The following TUSC3 variants were observed in gnomAD, a reference collection of about 807,000 sequenced individuals.
TUSC3 encodes dolichyl-diphosphooligosaccharide--protein glycosyltransferase subunit TUSC3.
In TUSC3, 45 loss-of-function variants were observed where a neutral mutation model predicts 44.8. The ratio of observed to expected loss-of-function variants is 1.00; its 90% confidence interval spans 0.79 to 1.29. The LOEUF is 1.29. Among genes scored for constraint, TUSC3 ranks in the 50% most tolerant of loss-of-function variants. The pLI, the probability that TUSC3 is intolerant of heterozygous loss-of-function variation, is 0.00. For missense variants in TUSC3, 519 were observed against 437.9 expected (o/e 1.19, Z -1.65); for synonymous variants, 212 against 152.9 (o/e 1.39, Z -2.85).
the TUSC3 span, among the ~76,000 whole-genome samples, chr8:15,836,232 T>G: frequency 6.6e-6 from 1 of 151,894 alleles, no homozygotes; most frequent in East Asian, 1.9e-4. Context: ...TCCCAGCACT[T>G]TGGGAGGCTA....
At chr8:15,491,989 G>C (rs941790301) in intron 2 of TUSC3, among the ~76,000 whole-genome samples, 1 of 152,080 alleles carries the variant, frequency 6.6e-6, no homozygotes, top group Non-Finnish European at 1.5e-5. Flanking sequence ...TCAAATCTCT[G>C]AGCAGTCTCA....
rs989784735 is a variant in TUSC3 at position 15,449,305 on chromosome 8, C to T, written n.91+32000C>T. The stretch of plus-strand genomic sequence containing the variant: ...GCAATTAAGCTTCATGCCTTTTCTT[C>T]GGTCTCATGTTCAAAAAATGGCCGT... On this transcript the variant is annotated intron_variant and non_coding_transcript_variant, in intron 1 of 5. Coordinates refer to the TUSC3 transcript ENST00000503191. 4.6e-5 allele frequency among the ~76,000 whole-genome samples: 7 copies of T among 152,158 alleles called. No homozygotes were observed. In the East Asian group the frequency reaches 7.7e-4, roughly 17 times the overall value.
At chr8:15,763,210 A>T (rs930323649) in intron 10 of TUSC3, among the ~76,000 whole-genome samples, 1 of 151,914 alleles carries the variant, frequency 6.6e-6, no homozygotes, top group Non-Finnish European at 1.5e-5. Flanking sequence ...GTATCACCAG[A>T]ATCCTAAAAT....
chr8:15,669,313 TAA>T (rs1807832862), intron 5 of TUSC3, among the ~76,000 whole-genome samples: 1 of 151,774 alleles, frequency 6.6e-6, no homozygotes, highest in South Asian at 2.1e-4. Flanking sequence ...CTAACTCTTC[TAA>T]ACAATTGAGA....
chr8:15,787,355 G>A, the TUSC3 span, among the ~76,000 whole-genome samples: 2 of 152,070 alleles, frequency 1.3e-5, no homozygotes, highest in Non-Finnish European at 2.9e-5. Flanking sequence ...ATAAGACTAG[G>A]CATGGAATAT....
the TUSC3 span, among the ~76,000 whole-genome samples, chr8:15,810,770 G>A: frequency 5.9e-5 from 9 of 152,202 alleles, no homozygotes; most frequent in Non-Finnish European, 1.3e-4. Flanking sequence ...TTTTGTAGGG[G>A]AGATTTGCAT....
intron 6 of TUSC3, among the ~76,000 whole-genome samples, chr8:15,702,659 T>C (rs1199632382): frequency 6.6e-6 from 1 of 152,148 alleles, no homozygotes; most frequent in East Asian, 1.9e-4. Flanking sequence ...TCACCATTAA[T>C]ACCTGCAGCG....
At chr8:15,458,023 C>T (rs1013465201) in intron 1 of TUSC3, among the ~76,000 whole-genome samples, 1 of 151,594 alleles carries the variant, frequency 6.6e-6, no homozygotes, top group South Asian at 2.1e-4. Flanking sequence ...GTTAAAAAGG[C>T]CAAATAATTC....
intron 1 of TUSC3, among the ~76,000 whole-genome samples, chr8:15,606,389 G>T (rs1429082): frequency 0.38 from 57,896 of 151,900 alleles, 11,891 homozygotes; most frequent in Non-Finnish European, 0.44. Context: ...TATTGGTAAG[G>T]CTTCTGGTCA....
At chr8:15,621,798 G>A (rs1326998002) in intron 1 of TUSC3, among the ~76,000 whole-genome samples, 1 of 150,238 alleles carries the variant, frequency 6.7e-6, no homozygotes, top group Non-Finnish European at 1.5e-5. Flanking sequence ...AAACACAGCC[G>A]AGTCATTAGC....
intron 1 of TUSC3, among the ~76,000 whole-genome samples, chr8:15,450,330 C>G (rs1381450583): frequency 6.6e-6 from 1 of 152,046 alleles, no homozygotes; most frequent in African/African-American, 2.4e-5. Context: ...ATATTTGGTG[C>G]AAACATTTTT....
At chr8:15,752,666 C>G (rs1449292074) in intron 9 of TUSC3, among the ~76,000 whole-genome samples, 2 of 152,024 alleles carry the variant, frequency 1.3e-5, no homozygotes, top group Non-Finnish European at 2.9e-5. Context: ...AGCAGAAAAT[C>G]TGACTCTGCT....
chr8:15,762,527 A>G (rs1434546561), intron 10 of TUSC3, among the ~76,000 whole-genome samples: 1 of 152,130 alleles, frequency 6.6e-6, no homozygotes, highest in Non-Finnish European at 1.5e-5. Context: ...TATGGATCAG[A>G]TTAGTATTTT....
At chr8:15,527,155 T>C (rs907926207) in intron 2 of TUSC3, among the ~76,000 whole-genome samples, 5 of 152,200 alleles carry the variant, frequency 3.3e-5, no homozygotes, top group African/African-American at 7.2e-5. Flanking sequence ...ACAATAGTTC[T>C]TGTTGATTTA....
chr8:15,490,156 G>C (rs1006882654), intron 2 of TUSC3, among the ~76,000 whole-genome samples: 4 of 152,112 alleles, frequency 2.6e-5, no homozygotes, highest in Admixed American at 2.6e-4. Context: ...TATTGGAAAA[G>C]CTAGAACAAC....
intron 1 of TUSC3, among the ~76,000 whole-genome samples, chr8:15,605,692 G>T (rs912716018): frequency 1.3e-5 from 2 of 151,858 alleles, no homozygotes; most frequent in East Asian, 3.9e-4. Flanking sequence ...AGTACCATAA[G>T]ATATACACAA....
Position 15,662,252 on chromosome 8 carries a change from T to G in TUSC3, c.664T>G (p.Leu222Val). The G allele has an allele frequency of 6.2e-7, 1 of 1,613,064 alleles. No homozygotes were observed. Among genetic ancestry groups the G allele is most frequent in the Non-Finnish European group, 8.5e-7 (1 of 1,179,256 alleles). ...TTTGCTTTATTTGAGAAGGAACAAC[T>G]TGGAGTTCATCTATAACAAGACTGG... Reference protein sequence around the residue: ...GGLLYLRRNNLEFIYNKTGWA... With the variant: ...GGLLYLRRNNVEFIYNKTGWA... The change falls in exon 5 of 11, where the codon TTG becomes GTG. Residue 222 changes from leucine to valine, a missense_variant. Coordinates refer to ENST00000503731, the MANE Select transcript of TUSC3 (RefSeq NM_006765.4).
At chr8:15,806,900 A>G in the TUSC3 span, 13 of 1,325,986 alleles carry the variant, frequency 9.8e-6, no homozygotes, top group East Asian at 4.6e-5. Flanking sequence ...AGACGCTTAC[A>G]TCTGTTGACC....
At chr8:15,458,287 G>C (rs1305004150) in intron 1 of TUSC3, among the ~76,000 whole-genome samples, 1 of 151,954 alleles carries the variant, frequency 6.6e-6, no homozygotes, top group Non-Finnish European at 1.5e-5. Flanking sequence ...GGCCCATGCT[G>C]AGGTACAGTG....
Sources: gnomAD v4.1 joint callset for allele counts (sites outside exome capture counted in the v4.1 genomes callset) on GRCh38, gnomAD v4.1.1 for gene constraint, MANE v1.5 for transcripts, NCBI Gene and HGNC (gene_info 2026-07-23, HGNC 2026-07-21) for gene names.